The following EPHB1 variants were observed in gnomAD, a reference collection of about 807,000 sequenced individuals.
The protein encoded by EPHB1 is ephrin type-B receptor 1.
EPHB1 carries 30 observed loss-of-function variants against 94.4 expected under a neutral mutation model. That is an observed-to-expected ratio of 0.32 (90% CI 0.24 to 0.43). The LOEUF is 0.43. Among genes scored for constraint, EPHB1 ranks in the 20% least tolerant of loss-of-function variants. The pLI is 1.00. For synonymous variants in EPHB1, 522 were observed against 489.1 expected (o/e 1.07, Z -0.89); for missense variants, 1,055 against 1,308.3 (o/e 0.81, Z 2.99).
chr3:134,907,435 C>G (rs1254555256), intron 1 of EPHB1, among the ~76,000 whole-genome samples: 4 of 152,154 alleles, frequency 2.6e-5, no homozygotes, highest in African/African-American at 4.8e-5. Flanking sequence ...AAACACAGCT[C>G]AGTTGTCTCT....
At position 135,158,193 on chromosome 3, in the gene EPHB1, A is replaced by G. The variant is rs377366623; in HGVS notation, c.1423-3825A>G. ...CTGGTCTTTAGAAGATGTAAACACAAATAGAATTCAGCACAGTAGATGTCT... is the reference window on the plus strand; with the variant it reads ...CTGGTCTTTAGAAGATGTAAACACAGATAGAATTCAGCACAGTAGATGTCT... On this transcript the variant is annotated intron_variant, in intron 6 of 15. Transcript: ENST00000398015. Among the ~76,000 whole-genome samples the G allele has an allele frequency of 5.3e-5, 8 of 152,226 alleles. No individual in the cohort carries two copies. In the South Asian group the frequency reaches 6.2e-4, roughly 12 times the overall value.
intron 1 of EPHB1, among the ~76,000 whole-genome samples, chr3:134,855,038 A>G (rs1225110568): frequency 2.0e-5 from 3 of 152,162 alleles, no homozygotes; most frequent in Admixed American, 1.3e-4. Flanking sequence ...GCATATACAT[A>G]TATACACATG....
chr3:135,161,973 G>A (rs1390901021), intron 6 of EPHB1, 45 bp from the exon 7 acceptor site: 1 of 1,566,404 alleles, frequency 6.4e-7, no homozygotes, highest in Non-Finnish European at 8.7e-7. Context: ...TGGGGGTGTA[G>A]CCTTCAGGAA....
intron 5 of EPHB1, among the ~76,000 whole-genome samples, chr3:135,137,040 A>T (rs1056833400): frequency 6.6e-6 from 1 of 152,222 alleles, no homozygotes; most frequent in African/African-American, 2.4e-5. Context: ...TAAGTGAATG[A>T]CAAACTTTAC....
intron 3 of EPHB1, among the ~76,000 whole-genome samples, chr3:135,079,713 A>G (rs1282478007): frequency 6.6e-6 from 1 of 152,060 alleles, no homozygotes; most frequent in African/African-American, 2.4e-5. Context: ...TGGTTCTGCA[A>G]TTTGTGAGTG....
At chr3:135,183,789 C>T (rs1273077289) in intron 10 of EPHB1, among the ~76,000 whole-genome samples, 2 of 152,142 alleles carry the variant, frequency 1.3e-5, no homozygotes, top group Admixed American at 1.3e-4. Context: ...AGAGGGATTG[C>T]CTGTGGGTAA....
At chr3:134,907,282 T>C (rs1032464285) in intron 1 of EPHB1, among the ~76,000 whole-genome samples, 2 of 152,232 alleles carry the variant, frequency 1.3e-5, no homozygotes, top group Admixed American at 1.3e-4. Context: ...ACTCCAGTGC[T>C]CTCTTAGTTG....
Position 134,888,069 on chromosome 3 carries a change from C to T in EPHB1, c.59-37747C>T, listed in dbSNP as rs576308252. 3.3e-5 allele frequency among the ~76,000 whole-genome samples: 5 copies of T among 152,276 alleles called. No individual in the cohort carries two copies. The South Asian group carries it at 8.3e-4, about 25-fold the overall frequency. On this transcript the variant is annotated intron_variant, in intron 1 of 15. Coordinates refer to ENST00000398015, the MANE Select transcript of EPHB1 (RefSeq NM_004441.5). Reference sequence around the variant, plus strand: ...TGTATGGAAGGCTCTATCTCTGGTGCGGCCCCTCTCCCTGTCCTTGAAAAC... The same window carrying T: ...TGTATGGAAGGCTCTATCTCTGGTGTGGCCCCTCTCCCTGTCCTTGAAAAC...
At chr3:135,006,523 T>C (rs919448272) in intron 3 of EPHB1, among the ~76,000 whole-genome samples, 2 of 152,232 alleles carry the variant, frequency 1.3e-5, no homozygotes, top group African/African-American at 4.8e-5. Context: ...AAGATTGAAA[T>C]GTTTTGCCAA....
At chr3:135,173,979 C>T (rs996675439) in intron 9 of EPHB1, among the ~76,000 whole-genome samples, 4 of 152,206 alleles carry the variant, frequency 2.6e-5, no homozygotes, top group African/African-American at 9.6e-5. Context: ...CAACTGCAAC[C>T]ACATCTTCCT....
At chr3:135,226,878 G>A (rs746492369) in intron 12 of EPHB1, among the ~76,000 whole-genome samples, 7 of 151,742 alleles carry the variant, frequency 4.6e-5, no homozygotes, top group Non-Finnish European at 8.8e-5. Context: ...CAACATAGAC[G>A]GAGCTGGATG....
At position 134,858,278 on chromosome 3, in the gene EPHB1, C is replaced by G. The variant is rs183554078; in HGVS notation, c.58+62589C>G. ...TGGCCCCAGAAGCCTATTCTATTACCATTCTAAATGCTCATTTTTTCCCCT... is the reference window on the plus strand; with the variant it reads ...TGGCCCCAGAAGCCTATTCTATTACGATTCTAAATGCTCATTTTTTCCCCT... On this transcript the variant is annotated intron_variant, in intron 1 of 15. Transcript: ENST00000398015. Among the ~76,000 whole-genome samples the G allele has an allele frequency of 1.3e-4, 20 of 152,018 alleles. No homozygotes were observed. The East Asian group carries it at 3.9e-3, about 29-fold the overall frequency.
chr3:134,816,233 C>A (rs1316305884), intron 1 of EPHB1, among the ~76,000 whole-genome samples: 2 of 151,906 alleles, frequency 1.3e-5, no homozygotes, highest in African/African-American at 4.8e-5. Flanking sequence ...TAGGCACACA[C>A]CACCACAGCC....
chr3:135,208,090 A>G (rs1263752905), intron 12 of EPHB1, among the ~76,000 whole-genome samples: 1 of 152,186 alleles, frequency 6.6e-6, no homozygotes, highest in Non-Finnish European at 1.5e-5. Context: ...GTCGGACTTC[A>G]GAGGCAGAGA....
chr3:135,001,727 A>G (rs1162620770), intron 3 of EPHB1, among the ~76,000 whole-genome samples: 1 of 151,896 alleles, frequency 6.6e-6, no homozygotes, highest in African/African-American at 2.4e-5. Flanking sequence ...TGCCTCCTCT[A>G]TGTTATCCTT....
chr3:135,176,505 G>T (rs1344496349), intron 9 of EPHB1, among the ~76,000 whole-genome samples: 3 of 152,180 alleles, frequency 2.0e-5, no homozygotes, highest in African/African-American at 4.8e-5. Flanking sequence ...CAGAACAGCA[G>T]CTGTGACATC....
chr3:135,236,646 C>G (rs1467609541), intron 12 of EPHB1, among the ~76,000 whole-genome samples: 1 of 152,156 alleles, frequency 6.6e-6, no homozygotes, highest in Non-Finnish European at 1.5e-5. Context: ...TCATGATACA[C>G]TCGGCCATGA....
chr3:135,105,024 A>G (rs1244639111), intron 3 of EPHB1, among the ~76,000 whole-genome samples: 1 of 152,220 alleles, frequency 6.6e-6, no homozygotes, highest in East Asian at 1.9e-4. Flanking sequence ...TCCGTGTCCC[A>G]GTTTCCTCAT....
chr3:135,027,534 T>G (rs1242572705), intron 3 of EPHB1, among the ~76,000 whole-genome samples: 1 of 149,830 alleles, frequency 6.7e-6, no homozygotes, highest in Non-Finnish European at 1.5e-5. Flanking sequence ...TTTGCGTATA[T>G]TGAACCAGCC....
Sources: gnomAD v4.1 joint callset for allele counts (sites outside exome capture counted in the v4.1 genomes callset) on GRCh38, gnomAD v4.1.1 for gene constraint, MANE v1.5 for transcripts, NCBI Gene and HGNC (gene_info 2026-07-23, HGNC 2026-07-21) for gene names.